The following PATJ variants were observed in gnomAD, a reference collection of about 807,000 sequenced individuals.
The protein encoded by PATJ is PATJ crumbs cell polarity complex component.
A neutral mutation model predicts 224.9 loss-of-function variants in PATJ; 190 were observed. The ratio of observed to expected loss-of-function variants is 0.84; its 90% CI spans 0.75 to 0.95. The LOEUF is 0.95. Ranked by LOEUF, PATJ falls within the 40% of genes least tolerant of loss-of-function variation. PATJ has a pLI of 0.00. For missense variants in PATJ, 2,121 were observed against 2,270.3 expected (o/e 0.93, Z 1.34); for synonymous variants, 769 against 820.3 (o/e 0.94, Z 1.07).
intron 14 of PATJ, 39 bp from the exon 15 acceptor site, chr1:61,822,906 C>A: frequency 6.2e-7 from 1 of 1,611,234 alleles, no homozygotes; most frequent in South Asian, 1.1e-5. Flanking sequence ...CCGGATGTGT[C>A]ATTGTCATGT....
chr1:62,089,856 AT>A (rs1241155745), intron 33 of PATJ, among the ~76,000 whole-genome samples: 1 of 152,158 alleles, frequency 6.6e-6, no homozygotes, highest in Non-Finnish European at 1.5e-5. Flanking sequence ...ACCTTCGCAC[AT>A]TTGGTTAAGT....
At chr1:62,001,260 C>T (rs1166247377) in intron 28 of PATJ, among the ~76,000 whole-genome samples, 247 of 151,586 alleles carry the variant, frequency 1.6e-3, no homozygotes, top group African/African-American at 4.9e-3. Flanking sequence ...ATGAAGTCCT[C>T]GCCCATGCCT....
intron 18 of PATJ, among the ~76,000 whole-genome samples, chr1:61,860,266 G>T (rs1161599710): frequency 6.6e-6 from 1 of 151,786 alleles, no homozygotes; most frequent in Non-Finnish European, 1.5e-5. Flanking sequence ...TCTCCATGTT[G>T]CCCAGGCTGG....
At chr1:61,948,101 A>G (rs918382611) in intron 27 of PATJ, among the ~76,000 whole-genome samples, 1 of 152,250 alleles carries the variant, frequency 6.6e-6, no homozygotes, top group Admixed American at 6.5e-5. Flanking sequence ...ACCTAAAACC[A>G]TAAAAACCCT....
chr1:62,163,599 T>C lies in PATJ; in HGVS notation c.*2545T>C, dbSNP rs1227358955. 1 of 152,658 alleles carries C rather than the reference T, an allele frequency of 6.6e-6. No homozygotes were observed. Among genetic ancestry groups the C allele is most frequent in the Non-Finnish European group, 1.5e-5 (1 of 68,048 alleles). The allele number at this position is 152,658 out of a possible 1,614,324, so 9.5% of individuals were successfully genotyped here. ...AATTATGATGCTTTATACTTCTTAC[T>C]GCACTAAATTGATAGAACTAGTACT... On this transcript the variant is annotated 3_prime_UTR_variant, in exon 44 of 44. Coordinates refer to ENST00000642238, the MANE Select transcript of PATJ (RefSeq NM_001350145.3).
intron 30 of PATJ, among the ~76,000 whole-genome samples, chr1:62,045,976 G>A (rs1049680773): frequency 1.3e-5 from 2 of 152,144 alleles, no homozygotes; most frequent in East Asian, 1.9e-4. Context: ...TAGGACCGAA[G>A]GAGTGCTTGA....
At chr1:62,106,614 C>A (rs953616621) in intron 33 of PATJ, among the ~76,000 whole-genome samples, 7 of 152,056 alleles carry the variant, frequency 4.6e-5, no homozygotes, top group African/African-American at 1.7e-4. Context: ...AATTCTGAGG[C>A]TCCATACTTC....
At chr1:61,871,170 G>GA (rs570476621) in intron 20 of PATJ, among the ~76,000 whole-genome samples, 47 of 117,918 alleles carry the variant, frequency 4.0e-4, no homozygotes, top group East Asian at 1.5e-3. Context: ...TTCTCTATTT[G>GA]AAAAAAAAAA....
chr1:62,137,862 G>A (rs1570765409), intron 41 of PATJ, among the ~76,000 whole-genome samples: 1 of 151,890 alleles, frequency 6.6e-6, no homozygotes, highest in Non-Finnish European at 1.5e-5. Context: ...ACCTCAGGTG[G>A]GGGGATCTCC....
intron 31 of PATJ, 37 bp from the exon 32 acceptor site, chr1:62,079,413 C>T (rs17379217): frequency 0.34 from 424,980 of 1,235,064 alleles, 79,221 homozygotes; most frequent in Non-Finnish European, 0.39. Context: ...TACCTTTCTC[C>T]TTTTTGATAT....
rs373852075 is a variant in PATJ, at chr1:61,871,467, G to GTA, written c.2836-3771_2836-3770dup. On this transcript the variant is annotated intron_variant, in intron 20 of 43. Coordinates refer to ENST00000642238, the MANE Select transcript of PATJ (RefSeq NM_001350145.3). ...TACACATATATATGCGTATATATAT[G>GTA]TATATACATATATATGTGTATATAT... is the stretch of plus-strand genomic sequence containing the variant. Among the ~76,000 whole-genome samples, 6 of 55,302 alleles carry GTA rather than the reference G, an allele frequency of 1.1e-4. 1 individual carries two copies. In the East Asian group the frequency reaches 1.4e-3, roughly 13 times the overall value. 36.3% of individuals were successfully genotyped at this position (55,302 alleles called of 152,430 possible).
At chr1:61,786,381 GTTGT>G (rs1002750374) in intron 7 of PATJ, among the ~76,000 whole-genome samples, 28 of 151,302 alleles carry the variant, frequency 1.9e-4, no homozygotes, top group Middle Eastern at 3.4e-3. Flanking sequence ...TGTTGTTGTT[GTTGT>G]TTGTTTGTTT....
At chr1:61,814,130 C>CTTTTTTTTTTTTT (rs762502160) in intron 14 of PATJ, among the ~76,000 whole-genome samples, 29 of 85,900 alleles carry the variant, frequency 3.4e-4, no homozygotes, top group South Asian at 4.5e-4. Context: ...TTATTCTCTT[C>CTTTTTTTTTTTTT]TTTTTTTTTT....
intron 32 of PATJ, 115 bp downstream of exon 32, chr1:62,079,682 C>A: frequency 1.4e-6 from 1 of 701,182 alleles, no homozygotes; most frequent in South Asian, 1.8e-5. Context: ...CTGGATACTT[C>A]CTCCGCTTCC....
intron 27 of PATJ, among the ~76,000 whole-genome samples, chr1:61,988,873 G>T (rs185243978): frequency 1.6e-3 from 237 of 152,244 alleles, no homozygotes; most frequent in Admixed American, 3.1e-3. Flanking sequence ...TAATTTGCAA[G>T]GTTCCCTCCT....
chr1:62,037,980 C>T lies in PATJ; in HGVS notation c.3963C>T (p.Asn1321=), dbSNP rs150419545. The change falls in exon 30 of 44, where the codon AAC becomes AAT. Residue 1321 remains asparagine, a synonymous_variant. Transcript: ENST00000642238. ...PSKVKLVFIR[N]EDAVNQMAVT... ...TGCCTATTTTAACACTTCACAGAAA[C>T]GAGGATGCAGTCAATCAGATGGCCG... 3.2e-4 allele frequency: 518 copies of T among 1,602,046 alleles called. 2 individuals are homozygous for T. In the South Asian group the frequency reaches 4.9e-3, roughly 15 times the overall value.
rs182321102 is a variant in PATJ, at chr1:61,758,740, C to A, written c.-35-4118C>A. ...TAACAAATGTTTTTCCTAAAGAAAG[C>A]CTTTTCTGTTGTGGGAATCTCTAGT... On this transcript the variant is annotated intron_variant, in intron 1 of 43. Transcript: ENST00000642238. Among the ~76,000 whole-genome samples, 174 of 151,782 alleles carry A rather than the reference C, an allele frequency of 1.1e-3. 3 individuals carry two copies. Among genetic ancestry groups the A allele is most frequent in the African/African-American group, 4.1e-3 (168 of 41,454 alleles).
chr1:62,048,248 CAAAG>C (rs1261661417), intron 30 of PATJ, among the ~76,000 whole-genome samples: 12 of 151,860 alleles, frequency 7.9e-5, no homozygotes, highest in African/African-American at 2.9e-4. Flanking sequence ...CACATGGAAA[CAAAG>C]AAAGAAAGAA....
At chr1:62,015,592 G>T (rs1010278015) in intron 28 of PATJ, among the ~76,000 whole-genome samples, 2 of 152,074 alleles carry the variant, frequency 1.3e-5, no homozygotes, top group African/African-American at 4.8e-5. Flanking sequence ...GAGTGCAGTG[G>T]CGCAATCTCG....
Sources: gnomAD v4.1 joint callset for allele counts (sites outside exome capture counted in the v4.1 genomes callset) on GRCh38, gnomAD v4.1.1 for gene constraint, MANE v1.5 for transcripts, NCBI Gene and HGNC (gene_info 2026-07-23, HGNC 2026-07-21) for gene names.